FYB1: variants seen among roughly 807,000 people sequenced by gnomAD.
The protein encoded by FYB1 is FYN-binding protein 1.
FYB1 carries 41 observed loss-of-function variants against 94.1 expected under a neutral mutation model. The ratio of observed to expected loss-of-function variants is 0.44; its 90% CI spans 0.34 to 0.57. The LOEUF is 0.57. Among genes scored for constraint, FYB1 ranks in the 20% least tolerant of loss-of-function variants. The pLI is 0.02. For missense variants in FYB1, 1,050 were observed against 976.8 expected, an observed-to-expected ratio of 1.07 and a Z score of -1.00; for synonymous variants, 367 against 353.2, an observed-to-expected ratio of 1.04 and a Z score of -0.44.
chr5:39,230,956 A>C (rs1391478417), intron 1 of FYB1, among the ~76,000 whole-genome samples: 1 of 151,970 alleles, frequency 6.6e-6, no homozygotes, highest in Non-Finnish European at 1.5e-5. Context: ...CGTAATAAAA[A>C]TGGAGCATAA....
chr5:39,169,541 C>T, intron 2 of FYB1: 2 of 545,560 alleles, frequency 3.7e-6, no homozygotes, highest in Admixed American at 2.0e-5. Flanking sequence ...GTTTGAGGTG[C>T]TCCAGTTGAA....
intron 4 of FYB1, among the ~76,000 whole-genome samples, chr5:39,140,750 A>G (rs1184285006): frequency 5.3e-5 from 8 of 152,252 alleles, no homozygotes; most frequent in Admixed American, 1.3e-4. Context: ...ACATGGTGAT[A>G]TGAATGGGCC....
chr5:39,224,574 C>T (rs1750394340), upstream of FYB1, among the ~76,000 whole-genome samples: 1 of 152,144 alleles, frequency 6.6e-6, no homozygotes, highest in South Asian at 2.1e-4. Flanking sequence ...CTCTAGAGAG[C>T]TCATTGTCTG....
chr5:39,262,135 C>G (rs987591388), intron 1 of FYB1, among the ~76,000 whole-genome samples: 2 of 151,994 alleles, frequency 1.3e-5, no homozygotes, highest in African/African-American at 4.8e-5. Flanking sequence ...ATGATAAAGA[C>G]TTATTTTAAA....
chr5:39,111,077 C>G (rs1561120616), intron 16 of FYB1, among the ~76,000 whole-genome samples: 1 of 151,916 alleles, frequency 6.6e-6, no homozygotes. Context: ...ATATTTTATG[C>G]AAGAAAGCTA....
upstream of FYB1, among the ~76,000 whole-genome samples, chr5:39,220,874 T>C (rs1173720692): frequency 6.6e-6 from 1 of 152,142 alleles, no homozygotes; most frequent in Non-Finnish European, 1.5e-5. Flanking sequence ...TTTTTAAGAA[T>C]TGTAAGAAAA....
At chr5:39,239,351 A>G (rs2150584119) in intron 1 of FYB1, among the ~76,000 whole-genome samples, 1 of 152,280 alleles carries the variant, frequency 6.6e-6, no homozygotes, top group South Asian at 2.1e-4. Context: ...GCATCCAAAT[A>G]GGGAGAGAGG....
chr5:39,177,391 A>G (rs568408608), intron 2 of FYB1, among the ~76,000 whole-genome samples: 45 of 152,306 alleles, frequency 3.0e-4, no homozygotes, highest in African/African-American at 9.9e-4. Flanking sequence ...AAGGTATCTC[A>G]GGGGTGGTCT....
At chr5:39,136,066 T>G (rs1035950964) in intron 7 of FYB1, among the ~76,000 whole-genome samples, 3 of 151,904 alleles carry the variant, frequency 2.0e-5, no homozygotes, top group Non-Finnish European at 4.4e-5. Context: ...GTATACTATA[T>G]AGATTTTTGT....
chr5:39,107,978 T>TA (rs948046566), intron 18 of FYB1, among the ~76,000 whole-genome samples: 1 of 152,026 alleles, frequency 6.6e-6, no homozygotes, highest in African/African-American at 2.4e-5. Flanking sequence ...CACAGTACAA[T>TA]AAAAAATTTC....
At chr5:39,236,257 C>T (rs569489109) in intron 1 of FYB1, among the ~76,000 whole-genome samples, 1 of 151,970 alleles carries the variant, frequency 6.6e-6, no homozygotes, top group Non-Finnish European at 1.5e-5. Flanking sequence ...CGGAGTAAAT[C>T]CCTAATTTCA....
intron 2 of FYB1, among the ~76,000 whole-genome samples, chr5:39,167,271 G>GTCTCTC (rs144826320): frequency 6.6e-6 from 1 of 150,714 alleles, no homozygotes; most frequent in African/African-American, 2.4e-5. Flanking sequence ...CTCTCTCTCT[G>GTCTCTC]TCTCTCTCTC....
At chr5:39,230,663 T>C (rs1750685027) in intron 1 of FYB1, among the ~76,000 whole-genome samples, 1 of 152,092 alleles carries the variant, frequency 6.6e-6, no homozygotes, top group South Asian at 2.1e-4. Flanking sequence ...TTTTAAAAAG[T>C]CCTATCACTG....
In FYB1 at chr5:39,119,577, T is replaced by A; in HGVS notation, c.2196A>T (p.Lys732Asn). The A allele has an allele frequency of 6.4e-7, 1 of 1,550,394 alleles. No individual in the cohort carries two copies. Among genetic ancestry groups the A allele is most frequent in the Non-Finnish European group, 8.7e-7 (1 of 1,146,462 alleles). Reference sequence around the variant, plus strand: ...AGTCTTTTTCTTCTTTTTCCTGCTTTTTTAGCTTCTTAAGGTCCTTTTCTT... The same window carrying A: ...AGTCTTTTTCTTCTTTTTCCTGCTTATTTAGCTTCTTAAGGTCCTTTTCTT... ...KTEEKDLKKL[K>N]KQEKEEKDFR... Residue 732 changes from lysine (K) to asparagine (N), a missense_variant, in exon 15 of 19, where the codon AAA (lysine) becomes AAT (asparagine). Lys to Asn is a moderately conservative substitution (Grantham distance 94). Coordinates refer to ENST00000512982, the MANE Select transcript of FYB1 (RefSeq NM_001465.6).
intron 1 of FYB1, chr5:39,211,176 A>G (rs1185346742): frequency 2.6e-5 from 4 of 152,190 alleles, no homozygotes; most frequent in Non-Finnish European, 5.9e-5. Context: ...ATGTTTTCAT[A>G]GATATCTTAT....
chr5:39,127,671 C>A, intron 11 of FYB1, 70 bp downstream of exon 11: 1 of 1,457,400 alleles, frequency 6.9e-7, no homozygotes. Flanking sequence ...TTTATTTTAA[C>A]TGGAAATCAA....
At chr5:39,177,933 T>C (rs1281664225) in intron 2 of FYB1, among the ~76,000 whole-genome samples, 2 of 152,248 alleles carry the variant, frequency 1.3e-5, no homozygotes, top group African/African-American at 2.4e-5. Context: ...TTTAGAACAA[T>C]GACTTTAAGT....
chr5:39,204,654 C>A (rs933307714), intron 1 of FYB1, among the ~76,000 whole-genome samples: 4 of 152,224 alleles, frequency 2.6e-5, no homozygotes, highest in Middle Eastern at 3.4e-3. Flanking sequence ...CAGGGCCTGG[C>A]TCCCTCAGGA....
intron 3 of FYB1, among the ~76,000 whole-genome samples, chr5:39,151,134 G>T (rs967801313): frequency 2.6e-5 from 4 of 151,990 alleles, no homozygotes; most frequent in Admixed American, 6.6e-5. Context: ...CTATTAGGTT[G>T]GTGCAAAAGT....
Sources: gnomAD v4.1 joint callset for allele counts (sites outside exome capture counted in the v4.1 genomes callset) on GRCh38, gnomAD v4.1.1 for gene constraint, MANE v1.5 for transcripts, NCBI Gene and HGNC (gene_info 2026-07-23, HGNC 2026-07-21) for gene names.